Variants in CELF2 observed in about 807,000 individuals in gnomAD.
CELF2 encodes the protein CUGBP Elav-like family member 2.
In CELF2, 8 loss-of-function variants were observed where a neutral mutation model predicts 62.6. That is an observed-to-expected ratio of 0.13 (90% CI 0.07 to 0.23). The LOEUF is 0.23. Ranked by LOEUF, CELF2 falls within the 10% of genes least tolerant of loss-of-function variation. CELF2 has a pLI of 1.00. For missense variants in CELF2, 333 were observed against 671.0 expected (o/e 0.50, Z 5.56); for synonymous variants, 258 against 250.0 (o/e 1.03, Z -0.30).
chr10:11,316,676 A>G lies in CELF2; in HGVS notation c.1096+2418A>G, dbSNP rs936234329. Among the ~76,000 whole-genome samples, 2 of 152,188 alleles carry G rather than the reference A, an allele frequency of 1.3e-5. No homozygotes were observed. Among genetic ancestry groups the G allele is most frequent in the African/African-American group, 4.8e-5 (2 of 41,438 alleles). On this transcript the variant is annotated intron_variant, in intron 10 of 12. Coordinates refer to ENST00000633077, the MANE Select transcript of CELF2 (RefSeq NM_001326342.2). This position sits in a 1 kb window ranked among gnomAD's most constrained non-coding sequence, Gnocchi z 4.4. ...TATGGAGAGTATTCAGGTTTTCTGAATAGAGCCAACTCTTACCCACCGACA... is the reference window on the plus strand; with the variant it reads ...TATGGAGAGTATTCAGGTTTTCTGAGTAGAGCCAACTCTTACCCACCGACA...
rs1592145456 is a variant in CELF2 at position 10,936,979 on chromosome 10, A to G, written c.89+16980A>G. Among the ~76,000 whole-genome samples, 1 of 152,178 alleles carries G rather than the reference A, an allele frequency of 6.6e-6. No individual in the cohort carries two copies. The highest frequency in any genetic ancestry group is 1.9e-4 in the East Asian group (1 of 5,196). On this transcript the variant is annotated intron_variant, in intron 2 of 13. Transcript: ENST00000636488. This position sits in a 1 kb window ranked among gnomAD's most constrained non-coding sequence, Gnocchi z 4.0. Reference sequence around the variant, plus strand: ...AGCCACCAGTCCCATCTTTGAAAGAAGTAACCGACACTTGCCAAGTCTCTC... The same window carrying G: ...AGCCACCAGTCCCATCTTTGAAAGAGGTAACCGACACTTGCCAAGTCTCTC...
At chr10:10,842,692 T>TAATATTTTG (rs2058760894) in intron 1 of CELF2, among the ~76,000 whole-genome samples, 1 of 152,098 alleles carries the variant, frequency 6.6e-6, no homozygotes, top group Non-Finnish European at 1.5e-5. Flanking sequence ...TTGTATTTGC[T>TAATATTTTG]AATATTTTGT....
At chr10:10,724,657 A>AC in the CELF2 span, among the ~76,000 whole-genome samples, 1 of 146,472 alleles carries the variant, frequency 6.8e-6, no homozygotes, top group Non-Finnish European at 1.5e-5. Flanking sequence ...CTCCGTCTCA[A>AC]AAAAAAAAAA....
chr10:10,523,931 C>T, the CELF2 span, among the ~76,000 whole-genome samples: 1 of 152,186 alleles, frequency 6.6e-6, no homozygotes. Flanking sequence ...TGGCACCATC[C>T]ACCTTGCAGT....
At chr10:10,923,508 A>G (rs1215197312) in intron 2 of CELF2, among the ~76,000 whole-genome samples, 1 of 152,240 alleles carries the variant, frequency 6.6e-6, no homozygotes, top group Non-Finnish European at 1.5e-5. Flanking sequence ...CTGGGTAGTT[A>G]AAAATGCTTT....
chr10:10,531,427 T>C, the CELF2 span, among the ~76,000 whole-genome samples: 1,484 of 152,344 alleles, frequency 9.7e-3, 22 homozygotes, highest in African/African-American at 0.034. Flanking sequence ...AAATAACCAA[T>C]GATTTTATTA....
At chr10:10,647,876 T>C in the CELF2 span, among the ~76,000 whole-genome samples, 1 of 152,232 alleles carries the variant, frequency 6.6e-6, no homozygotes, top group African/African-American at 2.4e-5. Flanking sequence ...GCCATTTAAC[T>C]GAATCCTGGG....
In CELF2 at chr10:11,179,062, T is replaced by C. The variant is rs550667853; in HGVS notation, c.271+13380T>C. 7.2e-5 allele frequency among the ~76,000 whole-genome samples: 11 copies of C among 152,360 alleles called. No homozygotes were observed. The East Asian group carries it at 1.9e-3, about 27-fold the overall frequency. On this transcript the variant is annotated intron_variant, in intron 2 of 12. Transcript: ENST00000633077. The stretch of plus-strand genomic sequence containing the variant: ...GATTAAGTGATATTTTAAGCAAAGC[T>C]GATAATCCCAGGGAAAATTGCTGAT...
chr10:11,001,817 A>G (rs1391064938), upstream of CELF2, among the ~76,000 whole-genome samples: 1 of 152,170 alleles, frequency 6.6e-6, no homozygotes, highest in Admixed American at 6.5e-5. Context: ...TACCAACCAA[A>G]TATAGTAATA....
intron 8 of CELF2, among the ~76,000 whole-genome samples, chr10:11,283,904 C>A (rs7078270): frequency 2.4e-5 from 2 of 85,056 alleles, no homozygotes; most frequent in Admixed American, 2.4e-4. Flanking sequence ...TGATGGATGA[C>A]TGTGTGGTAG....
intron 3 of CELF2, among the ~76,000 whole-genome samples, chr10:11,218,622 C>T (rs1366484526): frequency 6.6e-6 from 1 of 152,210 alleles, no homozygotes; most frequent in Non-Finnish European, 1.5e-5. Context: ...GATTTTGAAT[C>T]ATACTACTTT....
intron 1 of CELF2, among the ~76,000 whole-genome samples, chr10:10,845,331 C>T (rs1333088716): frequency 8.2e-6 from 1 of 122,048 alleles, no homozygotes; most frequent in African/African-American, 3.1e-5. Flanking sequence ...TTCATTGCTC[C>T]AAAAAAAAAA....
At chr10:10,519,163 G>A in the CELF2 span, among the ~76,000 whole-genome samples, 4 of 152,276 alleles carry the variant, frequency 2.6e-5, no homozygotes, top group African/African-American at 7.2e-5. Flanking sequence ...GTCAGAACAG[G>A]AGTCAGGCAA....
intron 2 of CELF2, among the ~76,000 whole-genome samples, chr10:11,215,876 T>C (rs1352215950): frequency 2.6e-5 from 4 of 152,198 alleles, no homozygotes; most frequent in African/African-American, 7.2e-5. Flanking sequence ...CTATGGCTTT[T>C]CTGGGGCTTA....
At chr10:11,180,175 G>A (rs1452580128) in intron 2 of CELF2, among the ~76,000 whole-genome samples, 3 of 152,254 alleles carry the variant, frequency 2.0e-5, no homozygotes, top group Non-Finnish European at 2.9e-5. Context: ...TCCTGGTTTC[G>A]GTGAATCTCC....
At position 11,288,456 on chromosome 10, in the gene CELF2, G is replaced by T; in HGVS notation, c.880G>T (p.Ala294Ser). 6.2e-7 allele frequency: 1 copy of T among 1,613,948 alleles called. No homozygotes were observed. Among genetic ancestry groups the T allele is most frequent in the Non-Finnish European group, 8.5e-7 (1 of 1,180,022 alleles). ...ALQLQNLATLAAAAAAAQTSA... is the reference protein window; with the variant it reads ...ALQLQNLATLSAAAAAAQTSA... Reference sequence around the variant, plus strand: ...ACAGTTGCAGAACCTGGCGACGCTGGCTGCTGCTGCAGCTGCGGCCCAGAC... The same window carrying T: ...ACAGTTGCAGAACCTGGCGACGCTGTCTGCTGCTGCAGCTGCGGCCCAGAC... Residue 294 changes from alanine (A) to serine (S), a missense_variant, in exon 9 of 13, where the codon GCT becomes TCT. Transcript: ENST00000633077.
intron 1 of CELF2, among the ~76,000 whole-genome samples, chr10:10,852,895 GT>G (rs764026390): frequency 9.9e-5 from 15 of 152,178 alleles, no homozygotes; most frequent in Non-Finnish European, 2.2e-4. Flanking sequence ...ATTTATTTTT[GT>G]GTGTGCCTTT....
the CELF2 span, among the ~76,000 whole-genome samples, chr10:10,536,260 T>C: frequency 5.3e-5 from 8 of 152,294 alleles, no homozygotes; most frequent in East Asian, 1.9e-4. Flanking sequence ...CCTTGTGATC[T>C]GCCCACCTTG....
chr10:11,321,519 T>TAAAAAA lies in CELF2; in HGVS notation c.1294+142_1294+147dup. 1.7e-6 allele frequency: 1 copy of TAAAAAA among 572,256 alleles called. No homozygotes were observed. Among genetic ancestry groups the TAAAAAA allele is most frequent in the African/African-American group, 1.9e-5 (1 of 52,380 alleles). 35.4% of individuals were successfully genotyped at this position (572,256 alleles called of 1,614,324 possible). A position where few individuals can be genotyped will look rare whatever the true frequency, so the allele number is the denominator to read the frequency against. On this transcript the variant is annotated intron_variant, in intron 11 of 12. Coordinates refer to ENST00000633077, the MANE Select transcript of CELF2 (RefSeq NM_001326342.2). The surrounding 1 kb of genome is among the most constrained non-coding windows in gnomAD (Gnocchi z 6.2). ...AAGCAGTTGTTTTGTTATTCATGTT[T>TAAAAAA]AAAAAAAAAAAAAACTGAAAGCTGG... is the stretch of plus-strand genomic sequence containing the variant.
Sources: gnomAD v4.1 joint callset for allele counts (sites outside exome capture counted in the v4.1 genomes callset) on GRCh38, gnomAD v4.1.1 for gene constraint, Gnocchi (gnomAD v3.1) non-coding constraint, MANE v1.5 for transcripts, NCBI Gene and HGNC (gene_info 2026-07-23, HGNC 2026-07-21) for gene names.